Variants in U2AF2 observed in about 807,000 individuals in gnomAD.
The protein encoded by U2AF2 is splicing factor U2AF 65 kDa subunit.
In U2AF2, 6 loss-of-function variants were observed where a neutral mutation model predicts 52.6. The observed-to-expected ratio is 0.11, with a 90% confidence interval of 0.06 to 0.23. The LOEUF is 0.23. Among genes scored for constraint, U2AF2 ranks in the 10% least tolerant of loss-of-function variants. The pLI, the probability that U2AF2 is intolerant of heterozygous loss-of-function variation, is 1.00. For missense variants in U2AF2, 222 were observed against 677.1 expected, an observed-to-expected ratio of 0.33 and a Z score of 7.46; for synonymous variants, 284 against 258.2, an observed-to-expected ratio of 1.10 and a Z score of -0.96.
chr19:55,667,502 T>C (rs1011424704), intron 7 of U2AF2, among the ~76,000 whole-genome samples: 1 of 152,182 alleles, frequency 6.6e-6, no homozygotes, highest in Non-Finnish European at 1.5e-5. Context: ...CAGGCACTTG[T>C]CTGTGAGTCC....
chr19:55,669,316 C>T (rs1282222784), intron 10 of U2AF2, 128 bp from the exon 11 acceptor site: 16 of 1,542,606 alleles, frequency 1.0e-5, no homozygotes, highest in African/African-American at 4.1e-5. Context: ...GTTGGGGAGT[C>T]GGGCTTTAGG....
At chr19:55,666,357 C>T (rs1473439075) in intron 7 of U2AF2, among the ~76,000 whole-genome samples, 4 of 152,330 alleles carry the variant, frequency 2.6e-5, no homozygotes, top group East Asian at 1.9e-4. Context: ...CCTGTTTCCC[C>T]GCCCAACTCT....
In U2AF2 at chr19:55,668,918, G is replaced by A; in HGVS notation, c.945+126G>A. On this transcript the variant is annotated intron_variant, in intron 9 of 11. Coordinates refer to ENST00000308924, the MANE Select transcript of U2AF2 (RefSeq NM_007279.3). This position sits in a 1 kb window ranked among gnomAD's most constrained non-coding sequence, Gnocchi z 5.5. ...GCCAACCTGAGGCAGTGCCCTGTGT[G>A]TGGGCTCGTCCCTGTCCCATGGCGT... 6.6e-7 allele frequency: 1 copy of A among 1,511,484 alleles called. No individual in the cohort carries two copies. Among genetic ancestry groups the A allele is most frequent in the Admixed American group, 1.9e-5 (1 of 52,754 alleles). 93.6% of individuals were successfully genotyped at this position (1,511,484 alleles called of 1,614,324 possible).
intron 11 of U2AF2, among the ~76,000 whole-genome samples, chr19:55,671,168 C>T (rs944238297): frequency 5.3e-5 from 8 of 152,002 alleles, no homozygotes; most frequent in South Asian, 2.1e-4. Context: ...TGAGGTCTCC[C>T]GCAATAATCT....
At chr19:55,667,156 A>G (rs1984597395) in intron 7 of U2AF2, among the ~76,000 whole-genome samples, 1 of 152,112 alleles carries the variant, frequency 6.6e-6, no homozygotes, top group South Asian at 2.1e-4. Flanking sequence ...CTGTGGGGGC[A>G]GCGTCATCAT....
In U2AF2 at chr19:55,660,462, C is replaced by T. The variant is rs542837347; in HGVS notation, c.231-54C>T. On this transcript the variant is annotated intron_variant, in intron 3 of 11. Transcript: ENST00000308924. The stretch of plus-strand genomic sequence containing the variant: ...GCCTGGGAGGGGGCTCGCAGGCCCA[C>T]TGTTGGTCAGACTGAGGTTGCCCTG... The T allele has an allele frequency of 1.4e-5, 16 of 1,178,648 alleles. No homozygotes were observed. In the South Asian group the frequency reaches 1.9e-4, roughly 14 times the overall value. The allele number at this position is 1,178,648 out of a possible 1,614,324, so 73.0% of individuals were successfully genotyped here.
At chr19:55,663,975 T>C in intron 7 of U2AF2, 1 of 558,910 alleles carries the variant, frequency 1.8e-6, no homozygotes, top group Non-Finnish European at 3.0e-6. Flanking sequence ...ACACAGCTTG[T>C]ACGTGGCAGA....
At chr19:55,660,643 C>A (rs752894250) in intron 4 of U2AF2, 24 bp downstream of exon 4, 2 of 1,605,734 alleles carry the variant, frequency 1.2e-6, no homozygotes, top group Non-Finnish European at 1.7e-6. Flanking sequence ...CAGGCTGCTC[C>A]CAGAGCGGGA....
chr19:55,664,317 G>GCCT lies in U2AF2; in HGVS notation c.742+574_742+576dup, dbSNP rs3837935. Among the ~76,000 whole-genome samples, 288 of 152,352 alleles carry GCCT rather than the reference G, an allele frequency of 1.9e-3. 9 individuals are homozygous for GCCT. In the East Asian group the frequency reaches 0.039, roughly 21 times the overall value. On this transcript the variant is annotated intron_variant, in intron 7 of 11. Coordinates refer to ENST00000308924, the MANE Select transcript of U2AF2 (RefSeq NM_007279.3). ...AGCCGGACGGTGTCTGCGTGCGTGGGCCTGGCTGTGTGCCGGCACACCTCG... is the reference window on the plus strand; with the variant it reads ...AGCCGGACGGTGTCTGCGTGCGTGGGCCTCCTGGCTGTGTGCCGGCACACCTCG...
At chr19:55,663,492 A>AT in intron 6 of U2AF2, 114 bp from the exon 7 acceptor site, 1 of 1,475,316 alleles carries the variant, frequency 6.8e-7, no homozygotes. Flanking sequence ...GGGGCCTGGC[A>AT]TGTTGTATTT....
At chr19:55,661,304 C>A (rs1287438152) in intron 5 of U2AF2, 115 bp downstream of exon 5, 29 of 1,191,708 alleles carry the variant, frequency 2.4e-5, no homozygotes, top group Non-Finnish European at 3.2e-5. Context: ...TGCAAGACCC[C>A]CCGGCCCCCT....
Position 55,655,093 on chromosome 19 carries a change from G to A in U2AF2, c.-12G>A, listed in dbSNP as rs750515884. ...GCGAAAGCTGCACAGGGCCCTACGC[G>A]GCCGCCTCAGCATGTCGGACTTCGA... is the stretch of plus-strand genomic sequence containing the variant. On this transcript the variant is annotated 5_prime_UTR_variant, in exon 1 of 12. Coordinates refer to ENST00000308924, the MANE Select transcript of U2AF2 (RefSeq NM_007279.3). The A allele has an allele frequency of 6.2e-7, 1 of 1,605,880 alleles. No homozygotes were observed. The highest frequency in any genetic ancestry group is 2.3e-5 in the East Asian group (1 of 43,604).
At chr19:55,672,806 TA>T (rs1186046800) in intron 11 of U2AF2, among the ~76,000 whole-genome samples, 1 of 151,518 alleles carries the variant, frequency 6.6e-6, no homozygotes, top group Non-Finnish European at 1.5e-5. Context: ...CACACCTGGT[TA>T]ATTTTTTTTG....
Position 55,674,065 on chromosome 19 carries a change from G to A in U2AF2, c.1425G>A (p.Trp475Ter). 1 of 1,237,178 alleles carries A rather than the reference G, an allele frequency of 8.1e-7. No individual in the cohort carries two copies. Among genetic ancestry groups the A allele is most frequent in the Non-Finnish European group, 1.1e-6 (1 of 903,512 alleles). 76.6% of individuals were successfully genotyped at this position (1,237,178 alleles called of 1,614,324 possible). Residue 475 changes from tryptophan (W) to a stop codon, truncating the protein, a stop_gained, in exon 12 of 12, where the codon TGG becomes TGA. Transcript: ENST00000308924. LOFTEE classifies it high-confidence loss of function. ...ACTCTTATCACCGCCGGGACTTCTG[G>A]TAGAGGCGGCTGGGGGAGGGTGGGG... Reference protein sequence around the residue: ...DPDSYHRRDFW With the variant: ...DPDSYHRRDF
intron 7 of U2AF2, among the ~76,000 whole-genome samples, chr19:55,665,667 G>A (rs1010559949): frequency 6.6e-6 from 1 of 152,150 alleles, no homozygotes; most frequent in African/African-American, 2.4e-5. Context: ...TGTGTTTTTT[G>A]AGACGGAGTC....
Position 55,668,846 on chromosome 19 carries a change from G to A in U2AF2, c.945+54G>A. On this transcript the variant is annotated intron_variant, in intron 9 of 11. Coordinates refer to ENST00000308924, the MANE Select transcript of U2AF2 (RefSeq NM_007279.3). This position sits in a 1 kb window ranked among gnomAD's most constrained non-coding sequence, Gnocchi z 5.5. ...CGTCTGTCCTTCCCTGCCCTGCGCT[G>A]TTGCCAAGCCATGGTCTCCCCTCCT... 7 of 1,576,232 alleles carry A rather than the reference G, an allele frequency of 4.4e-6. No homozygotes were observed. The South Asian group carries it at 8.0e-5, about 18-fold the overall frequency.
chr19:55,664,076 A>G (rs1050890837), intron 7 of U2AF2: 7 of 274,454 alleles, frequency 2.6e-5, no homozygotes, highest in Admixed American at 1.0e-4. Context: ...TGGAGGGCTC[A>G]GTCTGTGCCC....
At chr19:55,655,321 C>T (rs1426172344) in intron 1 of U2AF2, among the ~76,000 whole-genome samples, 168 bp downstream of exon 1, 1 of 152,144 alleles carries the variant, frequency 6.6e-6, no homozygotes, top group Non-Finnish European at 1.5e-5. Context: ...AGCGTTCCGC[C>T]GCGCGCTAGG....
rs748824050 is a variant in U2AF2, at chr19:55,659,253, C to T, written c.93C>T (p.Arg31=). The T allele has an allele frequency of 2.5e-6, 4 of 1,602,912 alleles. No homozygotes were observed. The highest frequency in any genetic ancestry group is 1.7e-5 in the Admixed American group (1 of 59,282). ...ENRHRKRSHS[R]SRSRDRKRRS... ...GGCATCGGAAGCGCAGCCACAGCCG[C>T]TCTCGGAGCCGGGACCGCAAACGCC... Residue 31 remains arginine, a synonymous_variant, in exon 2 of 12, where the codon CGC becomes CGT. Coordinates refer to ENST00000308924, the MANE Select transcript of U2AF2 (RefSeq NM_007279.3).
Sources: allele counts gnomAD v4.1 joint callset (sites outside exome capture counted in the v4.1 genomes callset), GRCh38; gene constraint gnomAD v4.1.1; non-coding constraint Gnocchi (gnomAD v3.1); transcripts MANE v1.5; gene names NCBI Gene and HGNC (gene_info 2026-07-23, HGNC 2026-07-21).